The following CMTM1 variants were observed in gnomAD, a reference collection of about 807,000 sequenced individuals.
The protein encoded by CMTM1 is CKLF like MARVEL transmembrane domain containing 1.
Under a neutral mutation model 17.8 loss-of-function variants are expected in CMTM1, and 16 were observed. The observed-to-expected ratio is 0.90, with a 90% CI of 0.61 to 1.37. The LOEUF is 1.37. Ranked by LOEUF, CMTM1 falls within the 40% of genes most tolerant of loss-of-function variation. The pLI, the probability that CMTM1 is intolerant of heterozygous loss-of-function variation, is 0.00. For missense variants in CMTM1, 354 were observed against 375.6 expected (o/e 0.94, Z 0.47); for synonymous variants, 169 against 154.6 (o/e 1.09, Z -0.69).
At chr16:66,569,402 T>C (rs1034956581) in intron 1 of CMTM1, among the ~76,000 whole-genome samples, 2 of 152,220 alleles carry the variant, frequency 1.3e-5, no homozygotes, top group Non-Finnish European at 2.9e-5. Flanking sequence ...GAATTGTCTA[T>C]AACTTAGAGT....
chr16:66,571,338 C>T (rs2013501768), intron 2 of CMTM1: 2 of 372,294 alleles, frequency 5.4e-6, no homozygotes, highest in Non-Finnish European at 1.1e-5. Context: ...ATTTAATCCT[C>T]ACAACAACCC....
At chr16:66,568,476 T>A (rs997304764) in intron 1 of CMTM1, among the ~76,000 whole-genome samples, 3 of 152,238 alleles carry the variant, frequency 2.0e-5, no homozygotes, top group Admixed American at 6.5e-5. Context: ...AGAGTCAGCA[T>A]ATTTAATTAA....
intron 2 of CMTM1, among the ~76,000 whole-genome samples, chr16:66,573,888 T>C (rs934335295): frequency 1.3e-5 from 2 of 151,950 alleles, no homozygotes; most frequent in Non-Finnish European, 2.9e-5. Flanking sequence ...GGTTTCACCA[T>C]GTTGGCCAGG....
intron 3 of CMTM1, among the ~76,000 whole-genome samples, chr16:66,578,171 CCTT>C (rs942498462): frequency 6.6e-6 from 1 of 152,208 alleles, no homozygotes; most frequent in African/African-American, 2.4e-5. Context: ...CGCTATCACT[CCTT>C]CTACTGCCAG....
intron 3 of CMTM1, among the ~76,000 whole-genome samples, chr16:66,578,622 T>C (rs2014558873): frequency 6.6e-6 from 1 of 151,786 alleles, no homozygotes; most frequent in Non-Finnish European, 1.5e-5. Context: ...GGCAACAAAA[T>C]CCCCCACTTC....
chr16:66,574,110 G>C (rs2013934165), intron 2 of CMTM1, among the ~76,000 whole-genome samples: 2 of 151,824 alleles, frequency 1.3e-5, no homozygotes, highest in African/African-American at 4.8e-5. Context: ...GAATAGTTTG[G>C]AAGCTTTATG....
intron 3 of CMTM1, 115 bp from the exon 4 acceptor site, chr16:66,578,716 G>C (rs2144692891): frequency 2.2e-6 from 3 of 1,381,320 alleles, no homozygotes; most frequent in Non-Finnish European, 3.0e-6. Flanking sequence ...AGGGTCAGAG[G>C]GGACAGGAGG....
At chr16:66,577,342 G>A (rs1243456876) in intron 3 of CMTM1, 140 bp downstream of exon 3, 3 of 594,964 alleles carry the variant, frequency 5.0e-6, no homozygotes, top group Non-Finnish European at 8.9e-6. Context: ...ACTTCTTCAG[G>A]TGATATGAAG....
Position 66,566,874 on chromosome 16 carries a change from C to T in CMTM1, c.361C>T (p.Pro121Ser). 6.2e-7 allele frequency: 1 copy of T among 1,613,460 alleles called. No homozygotes were observed. The highest frequency in any genetic ancestry group is 1.7e-5 in the Admixed American group (1 of 59,504). ...KERVEGRAKVPYKFRDSLKRF... is the reference protein window; with the variant it reads ...KERVEGRAKVSYKFRDSLKRF... The stretch of plus-strand genomic sequence containing the variant: ...GCGCGTGGAGGGCCGAGCCAAAGTC[C>T]CGTACAAATTCAGGGACAGCCTCAA... The change falls in exon 1 of 4, where the codon CCG (proline) becomes TCG (serine). Residue 121 changes from proline to serine, a missense_variant. By Grantham distance (74) the Pro-to-Ser change is moderately conservative. Transcript: ENST00000379500. This position sits in a 1 kb window ranked among gnomAD's most constrained non-coding sequence, Gnocchi z 4.9.
chr16:66,576,593 T>C (rs889367756), intron 2 of CMTM1, among the ~76,000 whole-genome samples: 3 of 152,170 alleles, frequency 2.0e-5, no homozygotes, highest in Non-Finnish European at 4.4e-5. Context: ...ACAGAATAAA[T>C]GTGGCCCAAT....
chr16:66,569,853 T>A (rs2013219845), intron 1 of CMTM1, 83 bp from the exon 2 acceptor site: 7 of 1,027,954 alleles, frequency 6.8e-6, no homozygotes, highest in Non-Finnish European at 1.0e-5. Flanking sequence ...GCCACTGTAC[T>A]GTGATATAAT....
In CMTM1 at chr16:66,578,736, G is replaced by T. The variant is rs377635853; in HGVS notation, c.691-95G>T. ...CAGAGGGGACAGGAGGCCACCCGCAGCGCCCACCCTGGATAGGGATAGGTT... is the reference window on the plus strand; with the variant it reads ...CAGAGGGGACAGGAGGCCACCCGCATCGCCCACCCTGGATAGGGATAGGTT... On this transcript the variant is annotated intron_variant, in intron 3 of 3. Coordinates refer to ENST00000379500, the MANE Select transcript of CMTM1 (RefSeq NM_052999.4). 2.9e-4 allele frequency: 436 copies of T among 1,526,020 alleles called. 5 individuals are homozygous for T. In the East Asian group the frequency reaches 8.0e-3, roughly 28 times the overall value. 94.5% of individuals were successfully genotyped at this position (1,526,020 alleles called of 1,614,324 possible).
Position 66,566,450 on chromosome 16 carries a change from TCC to T in CMTM1, c.-62_-61del. On this transcript the variant is annotated 5_prime_UTR_variant, in exon 1 of 4. Coordinates refer to ENST00000379500, the MANE Select transcript of CMTM1 (RefSeq NM_052999.4). The surrounding 1 kb of genome is among the most constrained non-coding windows in gnomAD (Gnocchi z 4.9). ...ACAGCCGTTGGGACGCGACGCTGGT[TCC>T]CAGGGGAGAGCCAGCCGCTGCCGCG... The T allele has an allele frequency of 6.7e-7, 1 of 1,499,870 alleles. No individual in the cohort carries two copies. Among genetic ancestry groups the T allele is most frequent in the Non-Finnish European group, 8.9e-7 (1 of 1,127,260 alleles). 92.9% of individuals were successfully genotyped at this position (1,499,870 alleles called of 1,614,324 possible).
chr16:66,576,043 C>T (rs540811897), intron 2 of CMTM1, among the ~76,000 whole-genome samples: 7 of 152,236 alleles, frequency 4.6e-5, no homozygotes, highest in East Asian at 1.9e-4. Flanking sequence ...GGCACTGCCA[C>T]GCACTCATCC....
At chr16:66,568,196 A>G (rs2012894234) in intron 1 of CMTM1, among the ~76,000 whole-genome samples, 1 of 152,258 alleles carries the variant, frequency 6.6e-6, no homozygotes. Flanking sequence ...ATCTATTAGC[A>G]GATAATATTC....
In CMTM1 at chr16:66,566,827, T is replaced by TAAATGAGATGGCGATC. The variant is rs559055211; in HGVS notation, c.318_333dup (p.Glu112Ter). The TAAATGAGATGGCGATC allele has an allele frequency of 1.1e-3, 1,824 of 1,613,998 alleles. 29 individuals carry two copies. The Admixed American group carries it at 0.024, about 21-fold the overall frequency. ...TCTGCACACACTGAATCCAAACTCT[T>TAAATGAGATGGCGATC]AAATGAGATGGCGATCAAAGAGCGC... On this transcript the variant is annotated frameshift_variant, in exon 1 of 4. Coordinates refer to ENST00000379500, the MANE Select transcript of CMTM1 (RefSeq NM_052999.4). LOFTEE classifies it high-confidence loss of function. This position sits in a 1 kb window ranked among gnomAD's most constrained non-coding sequence, Gnocchi z 4.9.
In CMTM1 at chr16:66,566,933, G is replaced by A; in HGVS notation, c.420G>A (p.Lys140=). 6.2e-7 allele frequency: 1 copy of A among 1,614,176 alleles called. No homozygotes were observed. The highest frequency in any genetic ancestry group is 8.5e-7 in the Non-Finnish European group (1 of 1,180,040). ...RFSFSPTGML[K]ILRLSLILGA... ...CCTTCTCGCCCACTGGAATGTTGAAGATCCTGAGACTGGTGAGCGGAGAGC... is the reference window on the plus strand; with the variant it reads ...CCTTCTCGCCCACTGGAATGTTGAAAATCCTGAGACTGGTGAGCGGAGAGC... The change falls in exon 1 of 4, where the codon AAG becomes AAA. Residue 140 remains lysine (K), a synonymous_variant. Transcript: ENST00000379500. The surrounding 1 kb of genome is among the most constrained non-coding windows in gnomAD (Gnocchi z 4.9).
At chr16:66,577,428 C>A (rs748806494) in intron 3 of CMTM1, among the ~76,000 whole-genome samples, 1 of 152,178 alleles carries the variant, frequency 6.6e-6, no homozygotes, top group Non-Finnish European at 1.5e-5. Flanking sequence ...CAAGAGTCTG[C>A]TAAACCCCTT....
chr16:66,578,405 C>A (rs1469116211), intron 3 of CMTM1, among the ~76,000 whole-genome samples: 1 of 152,202 alleles, frequency 6.6e-6, no homozygotes, highest in Non-Finnish European at 1.5e-5. Flanking sequence ...GAGGTCCTGG[C>A]CACACCAGAT....
Sources: allele counts gnomAD v4.1 joint callset (sites outside exome capture counted in the v4.1 genomes callset), GRCh38; gene constraint gnomAD v4.1.1; non-coding constraint Gnocchi (gnomAD v3.1); transcripts MANE v1.5; gene names NCBI Gene and HGNC (gene_info 2026-07-23, HGNC 2026-07-21).